The following ZBED6 variants were observed in gnomAD, a reference collection of about 807,000 sequenced individuals.
The protein encoded by ZBED6 is zinc finger BED-type containing 6.
Under a neutral mutation model 58.4 loss-of-function variants are expected in ZBED6, and 40 were observed. The ratio of observed to expected loss-of-function variants is 0.68; its 90% confidence interval spans 0.53 to 0.89. The LOEUF is 0.89. Among genes scored for constraint, ZBED6 ranks in the 40% least tolerant of loss-of-function variants. The pLI is 0.00. For missense variants in ZBED6, 1,057 were observed against 1,003.9 expected (o/e 1.05, Z -0.71); for synonymous variants, 439 against 350.6 (o/e 1.25, Z -2.82).
At chr1:203,847,316 C>G in exon 12 of ZBED6, 1 of 1,613,922 alleles carries the variant, frequency 6.2e-7, no homozygotes, top group Middle Eastern at 1.7e-4. Context: ...GATGATTCTA[C>G]TTCAGGAGCA....
chr1:203,852,420 T>TA lies in ZBED6; in HGVS notation c.*5163dup, dbSNP rs373391082. ...GCTGAAGGTGGTAGTGAGGACACTT[T>TA]AAAAAAAAAATCGCCAAAAAACTGG... On this transcript the variant is annotated 3_prime_UTR_variant, in exon 17 of 17. Transcript: ENST00000550078. 7,235 of 1,552,540 alleles carry TA rather than the reference T, an allele frequency of 4.7e-3. 116 individuals carry two copies. In the African/African-American group the frequency reaches 0.058, roughly 12 times the overall value.
At chr1:203,822,322 C>A (rs1051778458) in intron 3 of ZBED6, among the ~76,000 whole-genome samples, 7 of 152,044 alleles carry the variant, frequency 4.6e-5, no homozygotes, top group African/African-American at 1.7e-4. Context: ...ACAAGGACAC[C>A]TTTCTCACCA....
exon 1 of ZBED6, chr1:203,799,763 G>A (rs1278495188): frequency 5.4e-6 from 5 of 928,300 alleles, no homozygotes; most frequent in Admixed American, 2.0e-5. Context: ...GTTTATCTCT[G>A]AAACTTGAAA....
At position 203,798,690 on chromosome 1, in the gene ZBED6, ACT is replaced by A; in HGVS notation, c.1171_1172del (p.Leu391AspfsTer52). On this transcript the variant is annotated frameshift_variant, in exon 1 of 17. Coordinates refer to ENST00000550078, the Ensembl canonical transcript of ZBED6. LOFTEE classifies it high-confidence loss of function. ...TCCTATTCCCGTTGCAGAGCAAGGC[ACT>A]CTGATGCGTGCGCAGGAGAGAGAAA... 6.5e-7 allele frequency: 1 copy of A among 1,536,146 alleles called. No individual in the cohort carries two copies. The highest frequency in any genetic ancestry group is 8.7e-7 in the Non-Finnish European group (1 of 1,146,918).
At chr1:203,825,076 CAAA>C (rs61108073) in intron 3 of ZBED6, among the ~76,000 whole-genome samples, 3 of 108,982 alleles carry the variant, frequency 2.8e-5, no homozygotes, top group Admixed American at 1.1e-4. Flanking sequence ...GACTCCGTCT[CAAA>C]AAAAAAAAAA....
chr1:203,817,630 C>T (rs1032038953), intron 2 of ZBED6, among the ~76,000 whole-genome samples: 1 of 152,152 alleles, frequency 6.6e-6, no homozygotes, highest in East Asian at 1.9e-4. Flanking sequence ...GTCAAAACTT[C>T]TGTTTTTCTC....
intron 16 of ZBED6, among the ~76,000 whole-genome samples, chr1:203,851,816 A>T (rs372481670): frequency 0.026 from 2,635 of 101,252 alleles, 73 homozygotes; most frequent in African/African-American, 0.074. Context: ...TCAAAGAAAT[A>T]AAAAAAAAAT....
At chr1:203,819,210 T>C (rs1342488325) in intron 3 of ZBED6, among the ~76,000 whole-genome samples, 1 of 147,300 alleles carries the variant, frequency 6.8e-6, no homozygotes, top group East Asian at 1.9e-4. Flanking sequence ...TATGCAATTT[T>C]TTTTTCTTTC....
At chr1:203,810,720 G>T (rs1014230763) in intron 1 of ZBED6, among the ~76,000 whole-genome samples, 12 of 152,086 alleles carry the variant, frequency 7.9e-5, no homozygotes, top group Non-Finnish European at 1.5e-4. Flanking sequence ...CGCCCGGCCA[G>T]CTCTTAGATC....
intron 2 of ZBED6, among the ~76,000 whole-genome samples, chr1:203,817,713 A>G (rs1407395369): frequency 6.6e-6 from 1 of 151,882 alleles, no homozygotes; most frequent in Non-Finnish European, 1.5e-5. Context: ...CTATAAACGT[A>G]TATGTTAAAA....
At chr1:203,821,113 C>T (rs12403366) in intron 3 of ZBED6, among the ~76,000 whole-genome samples, 19,194 of 151,992 alleles carry the variant, frequency 0.13, 1,597 homozygotes, top group East Asian at 0.29. Context: ...ATCATGGGGG[C>T]GGTTTCCCCC....
At chr1:203,843,441 A>G (rs1687028784) in intron 11 of ZBED6, among the ~76,000 whole-genome samples, 1 of 152,116 alleles carries the variant, frequency 6.6e-6, no homozygotes, top group Admixed American at 6.5e-5. Flanking sequence ...ATGTCTCTGT[A>G]TACTTTTTGT....
At chr1:203,851,953 A>AG (rs1210901994) in intron 16 of ZBED6, among the ~76,000 whole-genome samples, 188 bp from the exon 17 acceptor site, 1 of 144,006 alleles carries the variant, frequency 6.9e-6, no homozygotes, top group African/African-American at 2.6e-5. Flanking sequence ...TGGGTGACAA[A>AG]GGGAGACTCT....
At chr1:203,829,694 G>C in intron 5 of ZBED6, 40 bp downstream of exon 5, 1 of 1,612,768 alleles carries the variant, frequency 6.2e-7, no homozygotes, top group Non-Finnish European at 8.5e-7. Flanking sequence ...CAAATAAATA[G>C]GGTCTCATAG....
intron 2 of ZBED6, 86 bp downstream of exon 2, chr1:203,817,210 T>C: frequency 8.8e-7 from 1 of 1,132,194 alleles, no homozygotes; most frequent in South Asian, 1.8e-5. Context: ...TAAGTTGTTT[T>C]TATTATATAT....
At chr1:203,829,351 T>C in intron 4 of ZBED6, 100 bp from the exon 5 acceptor site, 1 of 1,197,372 alleles carries the variant, frequency 8.4e-7, no homozygotes, top group Non-Finnish European at 1.2e-6. Context: ...TAAATGCTCA[T>C]AAGACAAATA....
intron 3 of ZBED6, among the ~76,000 whole-genome samples, chr1:203,823,439 C>T (rs1258230655): frequency 6.6e-6 from 1 of 152,244 alleles, no homozygotes; most frequent in Non-Finnish European, 1.5e-5. Flanking sequence ...CATATAAGCA[C>T]TCTTTACCAA....
intron 10 of ZBED6, among the ~76,000 whole-genome samples, chr1:203,838,389 G>T (rs1246780408): frequency 6.6e-6 from 1 of 152,212 alleles, no homozygotes; most frequent in Non-Finnish European, 1.5e-5. Context: ...CCATCTGTTA[G>T]GGGAAGGTTC....
intron 1 of ZBED6, among the ~76,000 whole-genome samples, chr1:203,808,118 AT>A (rs1673011518): frequency 6.6e-6 from 1 of 151,812 alleles, no homozygotes; most frequent in African/African-American, 2.4e-5. Flanking sequence ...TTTCTTGAGT[AT>A]TTTTCAAAAG....
Sources: gnomAD v4.1 joint callset for allele counts (sites outside exome capture counted in the v4.1 genomes callset) on GRCh38, gnomAD v4.1.1 for gene constraint, MANE v1.5 for transcripts, NCBI Gene and HGNC (gene_info 2026-07-23, HGNC 2026-07-21) for gene names.